PDE4D: variants seen among roughly 807,000 people sequenced by gnomAD.
PDE4D encodes the protein 3',5'-cyclic-AMP phosphodiesterase 4D.
A neutral mutation model predicts 87.4 loss-of-function variants in PDE4D; 24 were observed. The ratio of observed to expected loss-of-function variants is 0.27; its 90% CI spans 0.20 to 0.39. PDE4D has a LOEUF of 0.39. Among genes scored for constraint, PDE4D ranks in the 10% least tolerant of loss-of-function variants. PDE4D has a pLI of 1.00. For synonymous variants in PDE4D, 384 were observed against 383.2 expected (o/e 1.00, Z -0.02); for missense variants, 714 against 1,041.0 (o/e 0.69, Z 4.32).
At chr5:60,384,996 A>G (rs960825334) in intron 1 of PDE4D, among the ~76,000 whole-genome samples, 1 of 152,176 alleles carries the variant, frequency 6.6e-6, no homozygotes, top group Non-Finnish European at 1.5e-5. Flanking sequence ...CCCAGAATAC[A>G]TACAGCTTGG....
At chr5:59,982,169 T>C (rs1239446195) in intron 3 of PDE4D, among the ~76,000 whole-genome samples, 2 of 152,206 alleles carry the variant, frequency 1.3e-5, no homozygotes, top group Non-Finnish European at 2.9e-5. Context: ...TCTTTTTTTA[T>C]AGGACATAGT....
chr5:59,479,485 G>A (rs1456634348), intron 1 of PDE4D, among the ~76,000 whole-genome samples: 2 of 152,004 alleles, frequency 1.3e-5, no homozygotes, highest in Non-Finnish European at 2.9e-5. Flanking sequence ...TTCCAACCTG[G>A]ATAATAATTC....
chr5:59,268,487 G>T (rs1442617774), intron 1 of PDE4D, among the ~76,000 whole-genome samples: 2 of 151,924 alleles, frequency 1.3e-5, no homozygotes, highest in Non-Finnish European at 2.9e-5. Context: ...GCCCCATGTG[G>T]TACCCCAGCC....
At chr5:59,189,136 A>G (rs1332445098) in intron 3 of PDE4D, among the ~76,000 whole-genome samples, 4 of 151,702 alleles carry the variant, frequency 2.6e-5, no homozygotes, top group Non-Finnish European at 5.9e-5. Context: ...GTAATATTCT[A>G]TAGTATTAAT....
At chr5:60,204,450 T>C (rs749827711) in intron 1 of PDE4D, among the ~76,000 whole-genome samples, 1 of 151,892 alleles carries the variant, frequency 6.6e-6, no homozygotes, top group Non-Finnish European at 1.5e-5. Flanking sequence ...ATTTAGAGAA[T>C]GAAAGCAAGC....
At chr5:59,906,386 C>G (rs1483646797) in intron 3 of PDE4D, among the ~76,000 whole-genome samples, 2 of 152,156 alleles carry the variant, frequency 1.3e-5, no homozygotes, top group Non-Finnish European at 2.9e-5. Flanking sequence ...CTAGCCTTTT[C>G]ATTCACAATA....
chr5:59,200,730 T>C lies in PDE4D; in HGVS notation c.648-7194A>G, dbSNP rs558274294. ...ATACACGTATACATACATATGTGTA[T>C]GTATATATATACATACACACATATG... On this transcript the variant is annotated intron_variant, in intron 2 of 14. Transcript: ENST00000340635. Among the ~76,000 whole-genome samples, 25 of 143,484 alleles carry C rather than the reference T, an allele frequency of 1.7e-4. 3 individuals carry two copies. The highest frequency in any genetic ancestry group is 3.6e-4 in the Non-Finnish European group (24 of 66,134). 94.1% of individuals were successfully genotyped at this position (143,484 alleles called of 152,430 possible).
At position 59,477,016 on chromosome 5, in the gene PDE4D, G is replaced by A. The variant is rs1803389788; in HGVS notation, c.456-261048C>T. On this transcript the variant is annotated intron_variant, in intron 1 of 14. Coordinates refer to ENST00000340635, the MANE Select transcript of PDE4D (RefSeq NM_001104631.2). ...ATGAAAAAGAACAATAGGACCAACA[G>A]TCTACAAATAAAAGCTAGGGAACAC... Among the ~76,000 whole-genome samples the A allele has an allele frequency of 2.6e-5, 4 of 151,914 alleles. 1 individual carries two copies. In the South Asian group the frequency reaches 8.3e-4, roughly 32 times the overall value.
chr5:59,203,620 T>TAC (rs1491513548), intron 2 of PDE4D, among the ~76,000 whole-genome samples: 4 of 143,932 alleles, frequency 2.8e-5, no homozygotes, highest in Non-Finnish European at 6.0e-5. Context: ...AAGAAAATGT[T>TAC]ATATACACAC....
intron 2 of PDE4D, among the ~76,000 whole-genome samples, chr5:60,019,418 C>A (rs1396286266): frequency 1.3e-5 from 2 of 152,208 alleles, no homozygotes; most frequent in Admixed American, 6.5e-5. Context: ...CTTCTCCACT[C>A]TAACTATGAA....
intron 1 of PDE4D, among the ~76,000 whole-genome samples, chr5:59,691,501 A>C (rs1367987483): frequency 6.9e-6 from 1 of 145,962 alleles, no homozygotes; most frequent in Non-Finnish European, 1.5e-5. Context: ...GTTCTCAATC[A>C]TAGGTGGGAA....
At chr5:59,484,770 A>C (rs573266539) in intron 1 of PDE4D, among the ~76,000 whole-genome samples, 1 of 152,188 alleles carries the variant, frequency 6.6e-6, no homozygotes, top group Admixed American at 6.5e-5. Context: ...TTTAAGCTTC[A>C]ATTCTGACAG....
At chr5:59,506,589 T>C (rs562168308) in intron 1 of PDE4D, among the ~76,000 whole-genome samples, 32 of 152,234 alleles carry the variant, frequency 2.1e-4, no homozygotes, top group Middle Eastern at 6.8e-3. Context: ...TGTTAAATTA[T>C]GAGATGATAT....
intron 2 of PDE4D, among the ~76,000 whole-genome samples, chr5:60,025,049 G>T (rs1561992454): frequency 6.6e-6 from 1 of 152,106 alleles, no homozygotes; most frequent in Admixed American, 6.5e-5. Context: ...CACTTGAGAT[G>T]TATTTTTGAG....
intron 1 of PDE4D, among the ~76,000 whole-genome samples, chr5:60,416,261 G>A (rs1742538818): frequency 1.3e-5 from 2 of 152,208 alleles, no homozygotes; most frequent in South Asian, 2.1e-4. Context: ...CAATCAGCAG[G>A]ATGTGGGTGG....
At chr5:60,093,245 C>T (rs982129554) in intron 2 of PDE4D, among the ~76,000 whole-genome samples, 6 of 152,184 alleles carry the variant, frequency 3.9e-5, no homozygotes, top group African/African-American at 4.8e-5. Context: ...AGATCCCCTG[C>T]TTATCCTTTG....
At chr5:59,278,840 G>A (rs2153546135) in intron 1 of PDE4D, among the ~76,000 whole-genome samples, 1 of 152,122 alleles carries the variant, frequency 6.6e-6, no homozygotes, top group South Asian at 2.1e-4. Flanking sequence ...ATACAACTTG[G>A]CAACACTTAC....
chr5:59,099,644 C>T (rs1486386571), intron 5 of PDE4D, among the ~76,000 whole-genome samples: 1 of 152,210 alleles, frequency 6.6e-6, no homozygotes, highest in Non-Finnish European at 1.5e-5. Context: ...TCATGAGTGA[C>T]TCTAGATCTT....
chr5:59,963,687 A>G (rs1328548810), intron 3 of PDE4D, among the ~76,000 whole-genome samples: 1 of 152,178 alleles, frequency 6.6e-6, no homozygotes, highest in Non-Finnish European at 1.5e-5. Context: ...AGTAAAGTCT[A>G]TTCCATAGTT....
Sources: allele counts gnomAD v4.1 joint callset (sites outside exome capture counted in the v4.1 genomes callset), GRCh38; gene constraint gnomAD v4.1.1; transcripts MANE v1.5; gene names NCBI Gene and HGNC (gene_info 2026-07-23, HGNC 2026-07-21).